MLIP: variants seen among roughly 807,000 people sequenced by gnomAD.
MLIP encodes muscular LMNA interacting protein, also known as muscular LMNA-interacting protein.
Under a neutral mutation model 84.8 loss-of-function variants are expected in MLIP, and 79 were observed. The ratio of observed to expected loss-of-function variants is 0.93; its 90% CI spans 0.78 to 1.12. The LOEUF is 1.12. Among genes scored for constraint, MLIP ranks in the 50% most tolerant of loss-of-function variants. MLIP has a pLI of 0.00. For synonymous variants in MLIP, 504 were observed against 463.0 expected (o/e 1.09, Z -1.14); for missense variants, 1,257 against 1,160.6 (o/e 1.08, Z -1.21).
chr6:54,257,627 T>G (rs1029674049), intron 13 of MLIP, among the ~76,000 whole-genome samples: 1 of 152,096 alleles, frequency 6.6e-6, no homozygotes, highest in Non-Finnish European at 1.5e-5. Context: ...TGCCTGTCTT[T>G]GTGATTTCCT....
chr6:54,115,474 T>C (rs1244687744), intron 1 of MLIP, among the ~76,000 whole-genome samples: 2 of 152,064 alleles, frequency 1.3e-5, no homozygotes, highest in African/African-American at 2.4e-5. Context: ...TAAAAAGTGA[T>C]GGTCAGAGAA....
chr6:54,187,507 C>G (rs1242903806), intron 9 of MLIP, among the ~76,000 whole-genome samples: 9 of 151,990 alleles, frequency 5.9e-5, no homozygotes, highest in Admixed American at 5.2e-4. Context: ...GAAAAAGAAC[C>G]AAGTAAAACT....
intron 1 of MLIP, among the ~76,000 whole-genome samples, chr6:54,033,097 GTTGA>G (rs1382009716): frequency 6.6e-6 from 1 of 152,058 alleles, no homozygotes; most frequent in African/African-American, 2.4e-5. Context: ...CCAAATCCCT[GTTGA>G]TTGATAGTTT....
Position 54,112,034 on chromosome 6 carries a change from T to C in MLIP, c.96+459T>C, listed in dbSNP as rs1582168725. ...TAGAGATTTTGAGCATTTCAAAGTG[T>C]ATTTAGAAAAAGATTTTAATCCTTT... On this transcript the variant is annotated intron_variant, in intron 1 of 13. Coordinates refer to ENST00000502396, the MANE Select transcript of MLIP (RefSeq NM_001281747.2). Among the ~76,000 whole-genome samples the C allele has an allele frequency of 3.3e-5, 5 of 152,334 alleles. No individual in the cohort carries two copies. The South Asian group carries it at 1.0e-3, about 32-fold the overall frequency.
intron 1 of MLIP, among the ~76,000 whole-genome samples, chr6:54,074,944 T>C (rs1211550429): frequency 6.6e-6 from 1 of 152,016 alleles, no homozygotes; most frequent in Non-Finnish European, 1.5e-5. Context: ...AGCTGCTGCA[T>C]TTGCTTGAGA....
rs890505731 is a variant in MLIP at position 54,075,809 on chromosome 6, C to T, written c.64-45638C>T. Among the ~76,000 whole-genome samples the T allele has an allele frequency of 2.6e-5, 4 of 152,278 alleles. 1 individual carries two copies. Among genetic ancestry groups the T allele is most frequent in the Admixed American group, 6.5e-5 (1 of 15,296 alleles). ...GTTTTCCTGGTGATTAGGTTCCCAGCACCAAAGTTGCTGCCTCCAAAAAAC... is the reference window on the plus strand; with the variant it reads ...GTTTTCCTGGTGATTAGGTTCCCAGTACCAAAGTTGCTGCCTCCAAAAAAC... On this transcript the variant is annotated intron_variant, in intron 1 of 12. Transcript: ENST00000274897.
intron 12 of MLIP, among the ~76,000 whole-genome samples, chr6:54,254,744 C>T (rs925692796): frequency 3.0e-5 from 4 of 134,746 alleles, no homozygotes; most frequent in Admixed American, 2.2e-4. Flanking sequence ...TTCTCCCTCC[C>T]TTCCTTCCTT....
intron 10 of MLIP, among the ~76,000 whole-genome samples, chr6:54,196,591 G>A (rs1287456085): frequency 3.3e-5 from 5 of 151,908 alleles, no homozygotes; most frequent in Non-Finnish European, 7.4e-5. Context: ...ATCATTGATG[G>A]GCACTTGGGT....
At chr6:54,230,505 A>C (rs371102910) in intron 11 of MLIP, among the ~76,000 whole-genome samples, 3 of 152,148 alleles carry the variant, frequency 2.0e-5, no homozygotes, top group African/African-American at 7.2e-5. Flanking sequence ...TCTGCAGAAG[A>C]GGCTGGAGGC....
intron 11 of MLIP, among the ~76,000 whole-genome samples, chr6:54,207,420 C>T (rs796728089): frequency 2.0e-4 from 25 of 126,234 alleles, no homozygotes; most frequent in East Asian, 8.5e-4. Flanking sequence ...CCCCCCCCCC[C>T]TTTTTTGACA....
intron 10 of MLIP, among the ~76,000 whole-genome samples, chr6:54,191,087 G>A (rs62397385): frequency 6.6e-6 from 1 of 151,920 alleles, no homozygotes; most frequent in Admixed American, 6.6e-5. Context: ...GAGCCATCGC[G>A]CCCGGCCAAA....
At chr6:54,139,634 G>A (rs112854467) in intron 4 of MLIP, among the ~76,000 whole-genome samples, 2 of 152,130 alleles carry the variant, frequency 1.3e-5, no homozygotes, top group Non-Finnish European at 2.9e-5. Flanking sequence ...CATCAGTTAA[G>A]TTTTGTAACT....
intron 8 of MLIP, among the ~76,000 whole-genome samples, chr6:54,168,853 C>CTTTTTTTTTTTTTTTTT (rs3996971): frequency 8.4e-6 from 1 of 118,812 alleles, no homozygotes; most frequent in African/African-American, 3.2e-5. Flanking sequence ...GGGTTGAGGT[C>CTTTTTTTTTTTTTTTTT]TTTTTTTTTT....
intron 11 of MLIP, among the ~76,000 whole-genome samples, chr6:54,203,050 A>T (rs997520860): frequency 2.6e-5 from 4 of 152,330 alleles, no homozygotes; most frequent in African/African-American, 7.2e-5. Context: ...ATCGGGGATC[A>T]AGTCATATTT....
At chr6:54,159,646 A>T (rs1261332313) in intron 5 of MLIP, among the ~76,000 whole-genome samples, 1 of 152,074 alleles carries the variant, frequency 6.6e-6, no homozygotes, top group African/African-American at 2.4e-5. Context: ...GACGTATTAG[A>T]TGAGGAAACA....
rs556075102 is a variant in MLIP, at chr6:54,248,165, A to G, written c.2923-9143A>G. Among the ~76,000 whole-genome samples, 72 of 152,282 alleles carry G rather than the reference A, an allele frequency of 4.7e-4. No homozygotes were observed. The South Asian group carries it at 0.014, about 30-fold the overall frequency. Reference sequence around the variant, plus strand: ...TACAATATTCCTTATAATCTATAGAAGATAAAAAACAGAGAGAGAAAAATA... The same window carrying G: ...TACAATATTCCTTATAATCTATAGAGGATAAAAAACAGAGAGAGAAAAATA... On this transcript the variant is annotated intron_variant, in intron 12 of 13. Coordinates refer to ENST00000502396, the MANE Select transcript of MLIP (RefSeq NM_001281747.2).
chr6:54,047,072 T>C (rs1002197856), intron 1 of MLIP: 1 of 152,228 alleles, frequency 6.6e-6, no homozygotes, highest in African/African-American at 2.4e-5. Flanking sequence ...ATATTAATGA[T>C]CCTCGAATGA....
At chr6:54,218,341 T>C (rs950969544) in intron 11 of MLIP, among the ~76,000 whole-genome samples, 2 of 152,118 alleles carry the variant, frequency 1.3e-5, no homozygotes, top group Non-Finnish European at 2.9e-5. Context: ...TATCTGATCA[T>C]AGACAGGGTA....
chr6:54,070,206 C>A (rs1766399229), intron 1 of MLIP, among the ~76,000 whole-genome samples: 1 of 152,186 alleles, frequency 6.6e-6, no homozygotes, highest in Non-Finnish European at 1.5e-5. Flanking sequence ...CAGCTTACCC[C>A]GTAAGCCTGT....
Sources: gnomAD v4.1 joint callset for allele counts (sites outside exome capture counted in the v4.1 genomes callset) on GRCh38, gnomAD v4.1.1 for gene constraint, MANE v1.5 for transcripts, NCBI Gene and HGNC (gene_info 2026-07-23, HGNC 2026-07-21) for gene names.